CC2D1B: variants seen among roughly 807,000 people sequenced by gnomAD.
The protein encoded by CC2D1B is coiled-coil and C2 domain-containing protein 1B.
CC2D1B carries 92 observed loss-of-function variants against 110.8 expected under a neutral mutation model. That is an observed-to-expected ratio of 0.83 (90% CI 0.70 to 0.99). The LOEUF is 0.99. Among genes scored for constraint, CC2D1B ranks in the 50% least tolerant of loss-of-function variants. CC2D1B has a pLI of 0.00. For synonymous variants in CC2D1B, 406 were observed against 429.2 expected (o/e 0.95, Z 0.67); for missense variants, 1,136 against 1,089.0 (o/e 1.04, Z -0.61).
chr1:52,363,457 A>C (rs1646826227), intron 2 of CC2D1B, among the ~76,000 whole-genome samples: 1 of 152,084 alleles, frequency 6.6e-6, no homozygotes, highest in Admixed American at 6.5e-5. Context: ...ATACAACATG[A>C]AATTTACCAT....
chr1:52,356,041 T>C (rs893039535), intron 18 of CC2D1B, 145 bp downstream of exon 18: 2 of 878,858 alleles, frequency 2.3e-6, no homozygotes, highest in Non-Finnish European at 1.9e-6. Context: ...TCCACTAGCA[T>C]GCACCCTGTC....
chr1:52,355,496 G>A, intron 20 of CC2D1B, 47 bp from the exon 21 acceptor site: 8 of 1,611,124 alleles, frequency 5.0e-6, no homozygotes, highest in Non-Finnish European at 6.8e-6. Flanking sequence ...AAACAAAGAG[G>A]CACACAGGGC....
intron 11 of CC2D1B, 87 bp downstream of exon 11, chr1:52,358,940 C>T: frequency 6.4e-7 from 1 of 1,556,050 alleles, no homozygotes; most frequent in Non-Finnish European, 8.7e-7. Context: ...TCAGAAAAGA[C>T]AAGGACTAGC....
Position 52,353,637 on chromosome 1 carries a change from C to T in CC2D1B, c.2441G>A (p.Gly814Glu). The change falls in exon 24 of 25, where the codon GGA (glycine) becomes GAA (glutamate). Residue 814 changes from glycine (G) to glutamate (E), a missense_variant. Physicochemically the swap from Gly to Glu is moderately conservative, Grantham distance 98 (BLOSUM62 -2). Coordinates refer to ENST00000284376, the MANE Select transcript of CC2D1B (RefSeq NM_001330585.2). ...EIREIVEVLD[G>E]RKPTGGKLEV... is the part of the protein sequence containing the mutation. The stretch of plus-strand genomic sequence containing the variant: ...CAGCTTCCCCCCGGTGGGCTTCCTT[C>T]CATCCAGGACCTGTGAGGACCACAG... 6.2e-7 allele frequency: 1 copy of T among 1,602,516 alleles called. No individual in the cohort carries two copies. Among genetic ancestry groups the T allele is most frequent in the African/African-American group, 1.3e-5 (1 of 74,696 alleles).
intron 21 of CC2D1B, 142 bp downstream of exon 21, chr1:52,355,256 T>C (rs772624108): frequency 5.8e-6 from 5 of 869,482 alleles, no homozygotes; most frequent in South Asian, 3.2e-5. Context: ...TTTCTCCAAC[T>C]ACAGAAGAAG....
Position 52,360,984 on chromosome 1 carries a change from G to A in CC2D1B, c.467C>T (p.Pro156Leu). ...TCCTCCAGAACCCACCTGAGCTGCT[G>A]GGGCTGAAGCTGTCAGGACGGCTGT... The part of the protein sequence containing the change: ...VQTAVLTASA[P>L]AAQAGASQGL... Residue 156 changes from proline (P) to leucine (L), a missense_variant, in exon 5 of 25, where the codon CCA becomes CTA. Coordinates refer to ENST00000284376, the MANE Select transcript of CC2D1B (RefSeq NM_001330585.2). 2 of 1,614,106 alleles carry A rather than the reference G, an allele frequency of 1.2e-6. No homozygotes were observed. Among genetic ancestry groups the A allele is most frequent in the South Asian group, 1.1e-5 (1 of 91,080 alleles).
At chr1:52,357,997 G>A (rs1331770050) in intron 13 of CC2D1B, 99 bp from the exon 14 acceptor site, 13 of 1,458,734 alleles carry the variant, frequency 8.9e-6, no homozygotes, top group South Asian at 4.3e-5. Flanking sequence ...GTACTACATC[G>A]CTGTGTGACC....
intron 5 of CC2D1B, 22 bp downstream of exon 5, chr1:52,360,952 G>A (rs1646768119): frequency 6.2e-7 from 1 of 1,613,160 alleles, no homozygotes; most frequent in Non-Finnish European, 8.5e-7. Context: ...CAGAGGCACA[G>A]GGGCCCTCCT....
rs1012257546 is a variant in CC2D1B, at chr1:52,360,230, A to T, written c.607T>A (p.Leu203Met). ...ARRCERGLKT[L>M]ESQLASVRRG... ...CTCACAGAGGCTAGCTGCGACTCCA[A>T]GGTCTGAGGGAGAGAACTGGTCCAG... Residue 203 changes from leucine to methionine, a missense_variant, in exon 7 of 25, where the codon TTG (leucine) becomes ATG (methionine). Leu to Met is a conservative substitution (Grantham distance 15). Transcript: ENST00000284376. 1.2e-5 allele frequency: 19 copies of T among 1,613,850 alleles called. No homozygotes were observed. The highest frequency in any genetic ancestry group is 2.7e-5 in the African/African-American group (2 of 74,916).
intron 4 of CC2D1B, 45 bp downstream of exon 4, chr1:52,361,468 C>T: frequency 6.2e-7 from 1 of 1,611,190 alleles, no homozygotes; most frequent in Non-Finnish European, 8.5e-7. Context: ...TCCACCAGGC[C>T]CAAGCTTGCC....
Position 52,357,747 on chromosome 1 carries a change from C to T in CC2D1B, c.1579+34G>A, listed in dbSNP as rs543488383. On this transcript the variant is annotated intron_variant, in intron 14 of 24. Coordinates refer to ENST00000284376, the MANE Select transcript of CC2D1B (RefSeq NM_001330585.2). ...AGGGCCACACCTGCCCTCTCTAGGC[C>T]CTCAGTTCTTCACCCTGCTTGTCCC... 93 of 1,604,392 alleles carry T rather than the reference C, an allele frequency of 5.8e-5. No individual in the cohort carries two copies. The South Asian group carries it at 1.0e-3, about 18-fold the overall frequency.
chr1:52,360,408 G>A lies in CC2D1B; in HGVS notation c.603+16C>T. On this transcript the variant is annotated intron_variant, in intron 6 of 24. Coordinates refer to ENST00000284376, the MANE Select transcript of CC2D1B (RefSeq NM_001330585.2). Reference sequence around the variant, plus strand: ...AGCCCCCTCCCCTGCCCTGCTCCCAGCCTAGCCCGACTCACCTTCAGGCCG... The same window carrying A: ...AGCCCCCTCCCCTGCCCTGCTCCCAACCTAGCCCGACTCACCTTCAGGCCG... 6.2e-7 allele frequency: 1 copy of A among 1,612,428 alleles called. No homozygotes were observed. The highest frequency in any genetic ancestry group is 8.5e-7 in the Non-Finnish European group (1 of 1,179,492).
intron 18 of CC2D1B, 21 bp downstream of exon 18, chr1:52,356,165 T>C (rs1373995478): frequency 3.2e-6 from 5 of 1,587,064 alleles, no homozygotes; most frequent in Non-Finnish European, 4.3e-6. Flanking sequence ...CTGGAGCCCC[T>C]GTTTCCCTAG....
At position 52,354,897 on chromosome 1, in the gene CC2D1B, C is replaced by G; in HGVS notation, c.2282G>C (p.Arg761Pro). The stretch of plus-strand genomic sequence containing the variant: ...GCTCTGGATCACCCTCTTGAAGCCC[C>G]GGTGGTTTCGGTTGATGTTTAGTTT... ...LFKLNINRNH[R>P]GFKRVIQSKG... The change falls in exon 22 of 25, where the codon CGG (arginine) becomes CCG (proline). Residue 761 changes from arginine to proline, a missense_variant. Physicochemically the swap from Arg to Pro is moderately radical, Grantham distance 103 (BLOSUM62 -2). Transcript: ENST00000284376. The G allele has an allele frequency of 6.2e-7, 1 of 1,614,124 alleles. No individual in the cohort carries two copies. Among genetic ancestry groups the G allele is most frequent in the Non-Finnish European group, 8.5e-7 (1 of 1,180,016 alleles).
intron 2 of CC2D1B, 28 bp downstream of exon 2, chr1:52,364,524 C>G (rs1159651657): frequency 2.0e-6 from 3 of 1,535,414 alleles, no homozygotes; most frequent in Non-Finnish European, 2.7e-6. Context: ...CAAACCGACC[C>G]AGTAGCCTAG....
At position 52,361,021 on chromosome 1, in the gene CC2D1B, G is replaced by A. The variant is rs1453703805; in HGVS notation, c.430C>T (p.Pro144Ser). The change falls in exon 5 of 25, where the codon CCT becomes TCT. Residue 144 changes from proline to serine, a missense_variant. Coordinates refer to ENST00000284376, the MANE Select transcript of CC2D1B (RefSeq NM_001330585.2). ...EEENGLEDTE[P>S]PVQTAVLTAS... ...GTCAGGACGGCTGTCTGCACTGGAG[G>A]TTCAGTGTCTTCTAGGCCGTTCTCC... is the stretch of plus-strand genomic sequence containing the variant. The A allele has an allele frequency of 3.1e-6, 5 of 1,614,050 alleles. No homozygotes were observed. The highest frequency in any genetic ancestry group is 4.2e-6 in the Non-Finnish European group (5 of 1,180,022).
At chr1:52,354,347 A>C (rs764831177) in intron 23 of CC2D1B, 48 of 658,036 alleles carry the variant, frequency 7.3e-5, no homozygotes, top group South Asian at 7.2e-4. Flanking sequence ...GTCAGAGGCA[A>C]GGTCGTATAG....
At position 52,353,194 on chromosome 1, in the gene CC2D1B, C is replaced by CCTGA. The variant is rs1646562366; in HGVS notation, c.*27_*30dup. 7.5e-7 allele frequency: 1 copy of CCTGA among 1,336,898 alleles called. No homozygotes were observed. Among genetic ancestry groups the CCTGA allele is most frequent in the African/African-American group, 1.5e-5 (1 of 67,312 alleles). 82.8% of individuals were successfully genotyped at this position (1,336,898 alleles called of 1,614,324 possible). On this transcript the variant is annotated 3_prime_UTR_variant, in exon 25 of 25. Transcript: ENST00000284376. ...AAAGTCATCTCCTGCACAGTCGCGG[C>CCTGA]CTGACTCCTCTCCTGGTGCTGGCCA...
intron 23 of CC2D1B, 195 bp downstream of exon 23, chr1:52,354,413 G>A (rs749465385): frequency 1.4e-6 from 1 of 704,724 alleles, no homozygotes; most frequent in Non-Finnish European, 2.6e-6. Context: ...CCTTCTCCTG[G>A]GTCCCTCTGT....
Sources: gnomAD v4.1 joint callset for allele counts (sites outside exome capture counted in the v4.1 genomes callset) on GRCh38, gnomAD v4.1.1 for gene constraint, MANE v1.5 for transcripts, NCBI Gene and HGNC (gene_info 2026-07-23, HGNC 2026-07-21) for gene names.